Variants in AP5Z1 observed in about 807,000 individuals in gnomAD.
AP5Z1 encodes the protein AP-5 complex subunit zeta-1.
In AP5Z1, 106 loss-of-function variants were observed where a neutral mutation model predicts 83.0. The observed-to-expected ratio is 1.28, with a 90% confidence interval of 1.09 to 1.50. The LOEUF (loss-of-function observed/expected upper bound fraction) is 1.50, where lower values mean the gene tolerates loss of function less well. Ranked by LOEUF, AP5Z1 falls within the 40% of genes most tolerant of loss-of-function variation. The pLI is 0.00. For missense variants in AP5Z1, 1,565 were observed against 1,094.2 expected, an observed-to-expected ratio of 1.43 and a Z score of -6.07; for synonymous variants, 751 against 514.1, an observed-to-expected ratio of 1.46 and a Z score of -6.23.
intron 3 of AP5Z1, among the ~76,000 whole-genome samples, chr7:4,782,304 C>T (rs893042495): frequency 4.6e-5 from 7 of 152,156 alleles, no homozygotes; most frequent in African/African-American, 1.7e-4. Context: ...AATCCACCCT[C>T]CTTGGCCAGG....
Position 4,791,327 on chromosome 7 carries a change from T to C in AP5Z1, c.2366T>C (p.Leu789Pro), listed in dbSNP as rs772059836. The change falls in exon 17 of 17, where the codon CTG becomes CCG. Residue 789 changes from leucine (L) to proline (P), a missense_variant. Coordinates refer to ENST00000649063, the MANE Select transcript of AP5Z1 (RefSeq NM_014855.3). ...CGCGATGCCAACACGGCCCTGCCCCTGGCCCTGCGCACGGTCAGCCGGCTG... is the reference window on the plus strand; with the variant it reads ...CGCGATGCCAACACGGCCCTGCCCCCGGCCCTGCGCACGGTCAGCCGGCTG... ...YHRDANTALP[L>P]ALRTVSRLVE... 10 of 1,609,780 alleles carry C rather than the reference T, an allele frequency of 6.2e-6. No individual in the cohort carries two copies. Among genetic ancestry groups the C allele is most frequent in the Non-Finnish European group, 7.6e-6 (9 of 1,178,210 alleles).
intron 5 of AP5Z1, among the ~76,000 whole-genome samples, 180 bp from the exon 6 acceptor site, chr7:4,784,023 G>A (rs1562406573): frequency 6.6e-6 from 1 of 152,174 alleles, no homozygotes; most frequent in Non-Finnish European, 1.5e-5. Context: ...AGCAGGGTGT[G>A]CGACGCGCGT....
rs1281302017 is a variant in AP5Z1, at chr7:4,775,763, G to A, written c.41+7G>A. The A allele has an allele frequency of 6.2e-7, 1 of 1,603,280 alleles. No homozygotes were observed. The highest frequency in any genetic ancestry group is 1.3e-5 in the African/African-American group (1 of 74,876). ...GTTTGCTCCACCAGGCCAGGTACGGGGGAGCTGCGGCCCCGGCCCTCCTTC... is the reference window on the plus strand; with the variant it reads ...GTTTGCTCCACCAGGCCAGGTACGGAGGAGCTGCGGCCCCGGCCCTCCTTC... On this transcript the variant is annotated splice_region_variant and intron_variant, in intron 1 of 16. Coordinates refer to ENST00000649063, the MANE Select transcript of AP5Z1 (RefSeq NM_014855.3).
chr7:4,778,526 G>A (rs897309355), intron 1 of AP5Z1, among the ~76,000 whole-genome samples: 2 of 151,982 alleles, frequency 1.3e-5, no homozygotes, highest in African/African-American at 2.4e-5. Flanking sequence ...AAGGAAGGCG[G>A]GGCCGGGCTC....
intron 6 of AP5Z1, 104 bp downstream of exon 6, chr7:4,784,475 C>A: frequency 7.4e-7 from 1 of 1,356,094 alleles, no homozygotes; most frequent in Non-Finnish European, 9.9e-7. Context: ...CGGGTGTGCC[C>A]AGGATGCAGC....
In AP5Z1 at chr7:4,786,504, G is replaced by A. The variant is rs1192835288; in HGVS notation, c.1311+76G>A. On this transcript the variant is annotated intron_variant, in intron 10 of 16. Coordinates refer to ENST00000649063, the MANE Select transcript of AP5Z1 (RefSeq NM_014855.3). The stretch of plus-strand genomic sequence containing the variant: ...GGGCTCCTCCCCTCTTTCCAGCGGG[G>A]TTCAGGGCGAGTCCTGGCTGAGCAT... The A allele has an allele frequency of 1.0e-5, 16 of 1,547,126 alleles. No homozygotes were observed. The East Asian group carries it at 2.7e-4, about 26-fold the overall frequency.
At chr7:4,781,788 G>A (rs147248095) in intron 3 of AP5Z1, 34 bp downstream of exon 3, 565 of 1,505,500 alleles carry the variant, frequency 3.8e-4, no homozygotes, top group Admixed American at 9.0e-4. Context: ...GTTGGCACCG[G>A]ATGGCTGCTT....
In AP5Z1 at chr7:4,788,244, G is replaced by A. The variant is rs1414353841; in HGVS notation, c.1545G>A (p.Gln515=). ...CLEAFRDPQF[Q]GLFQYLLRPK... ...AGGCCTTCCGGGACCCGCAGTTCCA[G>A]GGTCTTTTCCAATACCTGCTGCGCC... is the stretch of plus-strand genomic sequence containing the variant. The change falls in exon 12 of 17, where the codon CAG becomes CAA. Residue 515 remains glutamine (Q), a synonymous_variant. Transcript: ENST00000649063. The A allele has an allele frequency of 6.3e-7, 1 of 1,585,976 alleles. No individual in the cohort carries two copies. The highest frequency in any genetic ancestry group is 1.3e-5 in the African/African-American group (1 of 74,506).
Position 4,791,339 on chromosome 7 carries a change from C to T in AP5Z1, c.2378C>T (p.Thr793Met), listed in dbSNP as rs775668440. ...ACGGCCCTGCCCCTGGCCCTGCGCA[C>T]GGTCAGCCGGCTGGTGGAGAGGGAG... is the stretch of plus-strand genomic sequence containing the variant. ...ANTALPLALR[T>M]VSRLVEREAG... Residue 793 changes from threonine (T) to methionine (M), a missense_variant, in exon 17 of 17, where the codon ACG (threonine) becomes ATG (methionine). By Grantham distance (81) the Thr-to-Met change is moderately conservative. Coordinates refer to ENST00000649063, the MANE Select transcript of AP5Z1 (RefSeq NM_014855.3). 40 of 1,609,508 alleles carry T rather than the reference C, an allele frequency of 2.5e-5. No homozygotes were observed. Among genetic ancestry groups the T allele is most frequent in the East Asian group, 2.5e-4 (11 of 44,738 alleles).
intron 13 of AP5Z1, 74 bp downstream of exon 13, chr7:4,789,025 G>T: frequency 7.6e-7 from 1 of 1,317,404 alleles, no homozygotes; most frequent in Non-Finnish European, 1.1e-6. Context: ...CAGCACTGGG[G>T]GGCCCTCTTG....
chr7:4,783,666 C>G, intron 4 of AP5Z1, 23 bp from the exon 5 acceptor site: 1 of 1,543,986 alleles, frequency 6.5e-7, no homozygotes, highest in Non-Finnish European at 8.8e-7. Context: ...CCTCACCTCC[C>G]CATGCCACCC....
At position 4,785,561 on chromosome 7, in the gene AP5Z1, C is replaced by G; in HGVS notation, c.1009C>G (p.Arg337Gly). Residue 337 changes from arginine to glycine, a missense_variant, in exon 9 of 17, where the codon CGG becomes GGG. Physicochemically the swap from Arg to Gly is moderately radical, Grantham distance 125. Coordinates refer to ENST00000649063, the MANE Select transcript of AP5Z1 (RefSeq NM_014855.3). ...CGTGCTGGTGCTGGACGTGCTGTGC[C>G]GGCAGGACCCGTCCTTCCTGTACCG... ...EAVLVLDVLCRQDPSFLYRSL... is the reference protein window; with the variant it reads ...EAVLVLDVLCGQDPSFLYRSL... 1.2e-6 allele frequency: 2 copies of G among 1,610,732 alleles called. No individual in the cohort carries two copies. The highest frequency in any genetic ancestry group is 1.7e-6 in the Non-Finnish European group (2 of 1,179,100).
rs1781770657 is a variant in AP5Z1 at position 4,791,462 on chromosome 7, A to C, written c.*77A>C. 1.3e-6 allele frequency: 2 copies of C among 1,494,848 alleles called. No individual in the cohort carries two copies. The highest frequency in any genetic ancestry group is 2.8e-5 in the African/African-American group (2 of 72,030). The allele number at this position is 1,494,848 out of a possible 1,614,324, so 92.6% of individuals were successfully genotyped here. ...TTGCTACTGAGGCCAGGCTGATAGGAGCTCAGGAGGGCGCGGGAGTCCTGG... is the reference window on the plus strand; with the variant it reads ...TTGCTACTGAGGCCAGGCTGATAGGCGCTCAGGAGGGCGCGGGAGTCCTGG... On this transcript the variant is annotated 3_prime_UTR_variant, in exon 17 of 17. Coordinates refer to ENST00000649063, the MANE Select transcript of AP5Z1 (RefSeq NM_014855.3).
In AP5Z1 at chr7:4,791,553, C is replaced by T. The variant is rs922883325; in HGVS notation, c.*168C>T. 3.9e-6 allele frequency: 4 copies of T among 1,019,810 alleles called. No individual in the cohort carries two copies. The highest frequency in any genetic ancestry group is 5.6e-6 in the Non-Finnish European group (4 of 713,976). The allele number at this position is 1,019,810 out of a possible 1,614,324, so 63.2% of individuals were successfully genotyped here. On this transcript the variant is annotated 3_prime_UTR_variant, in exon 17 of 17. Transcript: ENST00000649063. The stretch of plus-strand genomic sequence containing the variant: ...GACACGCGGGGCTGGCCCCCCTGCT[C>T]ACCCTCTGGGCTTTGTCTCCGAGCC...
chr7:4,782,353 G>A (rs1035852860), intron 3 of AP5Z1, among the ~76,000 whole-genome samples: 29 of 152,232 alleles, frequency 1.9e-4, no homozygotes, highest in Middle Eastern at 3.4e-3. Context: ...CCTCTGTGTC[G>A]GGAGCAGGCC....
intron 14 of AP5Z1, 125 bp downstream of exon 14, chr7:4,790,054 A>T: frequency 8.9e-7 from 1 of 1,124,062 alleles, no homozygotes; most frequent in Non-Finnish European, 1.2e-6. Context: ...CAGCAGCCTC[A>T]GACCCTGCCA....
chr7:4,783,114 C>T (rs1298726474), intron 3 of AP5Z1, among the ~76,000 whole-genome samples: 1 of 152,208 alleles, frequency 6.6e-6, no homozygotes, highest in Non-Finnish European at 1.5e-5. Context: ...CTCAGCGATG[C>T]AGCTCCCAGG....
At chr7:4,786,601 G>A (rs1010350249) in intron 10 of AP5Z1, among the ~76,000 whole-genome samples, 173 bp downstream of exon 10, 8 of 152,230 alleles carry the variant, frequency 5.3e-5, no homozygotes, top group East Asian at 1.9e-4. Context: ...TCCCTGCAGC[G>A]TCACGTGATT....
chr7:4,790,812 G>GT lies in AP5Z1; in HGVS notation c.2079dup (p.Pro694SerfsTer69), dbSNP rs1562414999. On this transcript the variant is annotated frameshift_variant, in exon 16 of 17. Coordinates refer to ENST00000649063, the MANE Select transcript of AP5Z1 (RefSeq NM_014855.3). LOFTEE classifies it high-confidence loss of function. ...CGCCCCTCTGCTGCCCTGCCCAGGT[G>GT]TCCCCCCCAGGTGGTCACCGTGCTG... is the stretch of plus-strand genomic sequence containing the variant. 6.2e-7 allele frequency: 1 copy of GT among 1,609,298 alleles called. No individual in the cohort carries two copies. Among genetic ancestry groups the GT allele is most frequent in the Admixed American group, 1.7e-5 (1 of 59,660 alleles).
Sources: allele counts gnomAD v4.1 joint callset (sites outside exome capture counted in the v4.1 genomes callset), GRCh38; gene constraint gnomAD v4.1.1; transcripts MANE v1.5; gene names NCBI Gene and HGNC (gene_info 2026-07-23, HGNC 2026-07-21).